Variants in KPNA5 observed in about 807,000 individuals in gnomAD.
The protein encoded by KPNA5 is karyopherin subunit alpha 5, also known as importin subunit alpha-6.
Under a neutral mutation model 71.3 loss-of-function variants are expected in KPNA5, and 46 were observed. The ratio of observed to expected loss-of-function variants is 0.65; its 90% CI spans 0.51 to 0.83. KPNA5 has a LOEUF of 0.83. Among genes scored for constraint, KPNA5 ranks in the 40% least tolerant of loss-of-function variants. The pLI, the probability that KPNA5 is intolerant of heterozygous loss-of-function variation, is 0.00. For missense variants in KPNA5, 547 were observed against 628.3 expected (o/e 0.87, Z 1.38); for synonymous variants, 207 against 201.4 (o/e 1.03, Z -0.24).
At chr6:116,693,687 G>T (rs2114383812) in intron 4 of KPNA5, among the ~76,000 whole-genome samples, 1 of 152,212 alleles carries the variant, frequency 6.6e-6, no homozygotes, top group Admixed American at 6.5e-5. Flanking sequence ...TTTGTAGGTT[G>T]CCTGTTCACT....
chr6:116,727,122 T>A (rs374169756), intron 12 of KPNA5, among the ~76,000 whole-genome samples: 30 of 152,056 alleles, frequency 2.0e-4, no homozygotes, highest in Non-Finnish European at 3.7e-4. Context: ...CTAGGCTTTT[T>A]AAATTTATTT....
At chr6:116,719,708 CTG>C (rs1779034906) in intron 8 of KPNA5, among the ~76,000 whole-genome samples, 2 of 151,998 alleles carry the variant, frequency 1.3e-5, no homozygotes, top group Non-Finnish European at 2.9e-5. Context: ...AATTAGCTGA[CTG>C]TGGTAGCACA....
At chr6:116,693,345 C>T (rs1777884059) in intron 4 of KPNA5, among the ~76,000 whole-genome samples, 1 of 152,172 alleles carries the variant, frequency 6.6e-6, no homozygotes, top group African/African-American at 2.4e-5. Context: ...AGTTTACAGT[C>T]CCACCAACAG....
intron 8 of KPNA5, among the ~76,000 whole-genome samples, chr6:116,717,773 C>T (rs187499823): frequency 3.3e-5 from 5 of 152,220 alleles, no homozygotes; most frequent in Admixed American, 2.6e-4. Flanking sequence ...CTTAAGGGTG[C>T]GCTGCCTCCA....
chr6:116,729,787 C>T (rs750663049), intron 13 of KPNA5, 46 bp downstream of exon 13: 1 of 1,188,156 alleles, frequency 8.4e-7, no homozygotes, highest in East Asian at 2.8e-5. Context: ...GTTCTTATAT[C>T]TGTCATACTT....
Position 116,739,207 on chromosome 6 carries a change from AACAG to A in KPNA5, c.*6888_*6891del, listed in dbSNP as rs776728752. On this transcript the variant is annotated 3_prime_UTR_variant, in exon 14 of 14. Transcript: ENST00000368564. ...ATCACAAGAATTCTTATACACCAAT[AACAG>A]ACAAACAGCCAAATCATGAGTGAAC... 1 of 152,180 alleles carries A rather than the reference AACAG, an allele frequency of 6.6e-6. No individual in the cohort carries two copies. The highest frequency in any genetic ancestry group is 1.5e-5 in the Non-Finnish European group (1 of 68,048). The allele number at this position is 152,180 out of a possible 1,614,324, so 9.4% of individuals were successfully genotyped here.
At chr6:116,702,754 G>T (rs750509890) in intron 6 of KPNA5, among the ~76,000 whole-genome samples, 17 of 152,236 alleles carry the variant, frequency 1.1e-4, no homozygotes, top group Non-Finnish European at 1.6e-4. Flanking sequence ...AAGCTGAACT[G>T]GTTTGACTTC....
In KPNA5 at chr6:116,732,122, A is replaced by ATATATATATATAT. The variant is rs1779521123; in HGVS notation, c.1433-14_1433-13insTATATATATATAT. 2 of 586,618 alleles carry ATATATATATATAT rather than the reference A, an allele frequency of 3.4e-6. No homozygotes were observed. The highest frequency in any genetic ancestry group is 2.5e-5 in the African/African-American group (1 of 40,068). 36.3% of individuals were successfully genotyped at this position (586,618 alleles called of 1,614,324 possible). A position where few individuals can be genotyped will look rare whatever the true frequency, so the allele number is the denominator to read the frequency against. On this transcript the variant is annotated splice_polypyrimidine_tract_variant and intron_variant, in intron 13 of 13. Transcript: ENST00000368564. ...TATATATATATATATATATATATAT[A>ATATATATATATAT]CTTTGTATAACAGGTCTGGATAAAA...
chr6:116,737,387 A>C lies in KPNA5; in HGVS notation c.*5064A>C, dbSNP rs1457507257. The C allele has an allele frequency of 6.6e-6, 1 of 151,982 alleles. No individual in the cohort carries two copies. The highest frequency in any genetic ancestry group is 1.9e-4 in the East Asian group (1 of 5,200). The allele number at this position is 151,982 out of a possible 1,614,324, so 9.4% of individuals were successfully genotyped here. On this transcript the variant is annotated 3_prime_UTR_variant, in exon 14 of 14. Coordinates refer to ENST00000368564, the MANE Select transcript of KPNA5 (RefSeq NM_001366306.2). ...ACATGTGGTCAATAGTACTTGGCTG[A>C]AGACTCAAAGGGGAATCCTCTGCAG...
At chr6:116,689,047 G>A (rs1477245498) in intron 1 of KPNA5, among the ~76,000 whole-genome samples, 1 of 152,092 alleles carries the variant, frequency 6.6e-6, no homozygotes, top group East Asian at 1.9e-4. Context: ...AGACAGGAAA[G>A]GTTGTTGCAT....
In KPNA5 at chr6:116,692,127, G is replaced by T. The variant is rs909943843; in HGVS notation, c.211G>T (p.Asp71Tyr). ...GCTTGAAAGTCCTATACAGGATCCA[G>T]ATATTAGTTCCACTGTACCCATTCC... ...SMLESPIQDP[D>Y]ISSTVPIPEE... is the part of the protein sequence containing the mutation. The change falls in exon 3 of 14, where the codon GAT (aspartate) becomes TAT (tyrosine). Residue 71 changes from aspartate (D) to tyrosine (Y), a missense_variant. Physicochemically the swap from Asp to Tyr is radical, Grantham distance 160 (BLOSUM62 -3). Transcript: ENST00000368564. The T allele has an allele frequency of 6.2e-7, 1 of 1,611,072 alleles. No homozygotes were observed.
intron 7 of KPNA5, among the ~76,000 whole-genome samples, chr6:116,711,216 T>C (rs1009414394): frequency 2.0e-5 from 3 of 151,244 alleles, no homozygotes; most frequent in South Asian, 2.1e-4. Flanking sequence ...TATGAATCTT[T>C]TTCCTTTTGT....
intron 13 of KPNA5, among the ~76,000 whole-genome samples, chr6:116,730,084 ATTTTTTT>A (rs66651825): frequency 8.0e-6 from 1 of 124,698 alleles, no homozygotes; most frequent in Admixed American, 8.7e-5. Context: ...AAAATATGTA[ATTTTTTT>A]TTTTTTTTTT....
chr6:116,689,190 C>A, intron 1 of KPNA5, 130 bp from the exon 2 acceptor site: 1 of 869,290 alleles, frequency 1.2e-6, no homozygotes, highest in Non-Finnish European at 1.8e-6. Context: ...ATTCTTTGTA[C>A]ATAATTTTCA....
intron 4 of KPNA5, among the ~76,000 whole-genome samples, chr6:116,695,943 T>G (rs892130702): frequency 1.5e-4 from 23 of 152,296 alleles, no homozygotes; most frequent in African/African-American, 5.5e-4. Flanking sequence ...TTATCTTGAT[T>G]CATTTTTTAT....
chr6:116,690,213 G>A (rs1777743403), intron 2 of KPNA5, among the ~76,000 whole-genome samples: 2 of 151,776 alleles, frequency 1.3e-5, no homozygotes, highest in Non-Finnish European at 2.9e-5. Context: ...AGGATTACAG[G>A]CATGTAATAG....
chr6:116,736,210 T>G lies in KPNA5; in HGVS notation c.*3887T>G, dbSNP rs1206271414. On this transcript the variant is annotated 3_prime_UTR_variant, in exon 14 of 14. Coordinates refer to ENST00000368564, the MANE Select transcript of KPNA5 (RefSeq NM_001366306.2). ...ATTCATAAAATGGGATATTACTCAGTAATAAAATGAAATATGGATATATGG... is the reference window on the plus strand; with the variant it reads ...ATTCATAAAATGGGATATTACTCAGGAATAAAATGAAATATGGATATATGG... 6.6e-6 allele frequency: 1 copy of G among 151,814 alleles called. No individual in the cohort carries two copies. Among genetic ancestry groups the G allele is most frequent in the Non-Finnish European group, 1.5e-5 (1 of 67,834 alleles). The allele number at this position is 151,814 out of a possible 1,614,324, so 9.4% of individuals were successfully genotyped here.
At chr6:116,703,673 A>G (rs1466433658) in intron 6 of KPNA5, among the ~76,000 whole-genome samples, 2 of 152,208 alleles carry the variant, frequency 1.3e-5, no homozygotes, top group Admixed American at 6.5e-5. Context: ...AAGGTAGAAA[A>G]TATCTTTAGT....
chr6:116,702,288 T>G, intron 6 of KPNA5, 138 bp downstream of exon 6: 1 of 869,416 alleles, frequency 1.2e-6, no homozygotes, highest in Non-Finnish European at 1.7e-6. Flanking sequence ...GTTTTGGTGT[T>G]AAGTTAGAAG....
Sources: allele counts gnomAD v4.1 joint callset (sites outside exome capture counted in the v4.1 genomes callset), GRCh38; gene constraint gnomAD v4.1.1; transcripts MANE v1.5; gene names NCBI Gene and HGNC (gene_info 2026-07-23, HGNC 2026-07-21).